The following AGAP1 variants were observed in gnomAD, a reference collection of about 807,000 sequenced individuals.
AGAP1 encodes the protein ArfGAP with GTPase domain, ankyrin repeat and PH domain 1, also known as arf-GAP with GTPase, ANK repeat and PH domain-containing protein 1.
Under a neutral mutation model 105.3 loss-of-function variants are expected in AGAP1, and 29 were observed. The ratio of observed to expected loss-of-function variants is 0.28; its 90% CI spans 0.21 to 0.38. The LOEUF (loss-of-function observed/expected upper bound fraction) is 0.38. Ranked by LOEUF, AGAP1 falls within the 10% of genes least tolerant of loss-of-function variation. The probability of loss-of-function intolerance (pLI) is 1.00; values close to 1 mark genes in which losing one functional copy is unlikely to be tolerated. For synonymous variants in AGAP1, 509 were observed against 485.9 expected, an observed-to-expected ratio of 1.05 and a Z score of -0.63; for missense variants, 998 against 1,165.1, an observed-to-expected ratio of 0.86 and a Z score of 2.09.
rs570800773 is a variant in AGAP1, at chr2:235,511,138, G to GC, written c.163+16292dup. 5.1e-3 allele frequency among the ~76,000 whole-genome samples: 779 copies of GC among 152,248 alleles called. 5 individuals carry two copies. Among genetic ancestry groups the GC allele is most frequent in the African/African-American group, 0.018 (737 of 41,540 alleles). On this transcript the variant is annotated intron_variant, in intron 1 of 17. Coordinates refer to ENST00000304032, the MANE Select transcript of AGAP1 (RefSeq NM_001037131.3). ...GTGGCAGGTGGAGGTGAGGGATGCT[G>GC]CCCAAGATCCCGCAATGCCTGGGGC...
intron 16 of AGAP1, among the ~76,000 whole-genome samples, chr2:236,110,935 C>T (rs777371508): frequency 1.7e-4 from 26 of 152,316 alleles, no homozygotes; most frequent in Admixed American, 2.6e-4. Context: ...GGTTAGGGTT[C>T]GGTCTCTGCT....
At chr2:235,761,057 CATG>C (rs1478729226) in intron 6 of AGAP1, among the ~76,000 whole-genome samples, 1 of 152,162 alleles carries the variant, frequency 6.6e-6, no homozygotes, top group African/African-American at 2.4e-5. Flanking sequence ...AAGTATGAAA[CATG>C]ATAGAGTGAC....
At chr2:235,857,929 G>A (rs1553651942) in intron 9 of AGAP1, among the ~76,000 whole-genome samples, 1 of 152,166 alleles carries the variant, frequency 6.6e-6, no homozygotes, top group Non-Finnish European at 1.5e-5. Context: ...GGAGTGTGAG[G>A]CTTATACCCA....
chr2:236,059,933 A>G (rs1455492160), intron 16 of AGAP1, among the ~76,000 whole-genome samples: 1 of 152,186 alleles, frequency 6.6e-6, no homozygotes. Flanking sequence ...TCTCCTAAAA[A>G]TAGAAAAATT....
Position 236,011,277 on chromosome 2 carries a change from C to G in AGAP1, c.1646-25284C>G, listed in dbSNP as rs922497033. 6.6e-5 allele frequency among the ~76,000 whole-genome samples: 10 copies of G among 152,342 alleles called. No individual in the cohort carries two copies. In the South Asian group the frequency reaches 1.4e-3, roughly 22 times the overall value. ...TTCTCTCCCAGGCCCACTGACTGTTCTGCCTACCCAGATTAGAGCTCAGAA... is the reference window on the plus strand; with the variant it reads ...TTCTCTCCCAGGCCCACTGACTGTTGTGCCTACCCAGATTAGAGCTCAGAA... On this transcript the variant is annotated intron_variant, in intron 13 of 17. Coordinates refer to ENST00000304032, the MANE Select transcript of AGAP1 (RefSeq NM_001037131.3).
chr2:236,011,100 A>G (rs1393888783), intron 13 of AGAP1, among the ~76,000 whole-genome samples: 1 of 152,228 alleles, frequency 6.6e-6, no homozygotes, highest in Non-Finnish European at 1.5e-5. Flanking sequence ...TGAGTTTTCC[A>G]TGTGTGTTTT....
Position 236,056,928 on chromosome 2 carries a change from T to C in AGAP1, c.2114+7647T>C, listed in dbSNP as rs1356867731. Reference sequence around the variant, plus strand: ...GCGGCATTGGGAGAACCGCCATGTTTAGCAGCACCACTCCCACTCGCCCCT... The same window carrying C: ...GCGGCATTGGGAGAACCGCCATGTTCAGCAGCACCACTCCCACTCGCCCCT... On this transcript the variant is annotated intron_variant, in intron 16 of 17. Transcript: ENST00000304032. The surrounding 1 kb of genome is among the most constrained non-coding windows in gnomAD (Gnocchi z 4.6). Among the ~76,000 whole-genome samples, 5 of 152,188 alleles carry C rather than the reference T, an allele frequency of 3.3e-5. No individual in the cohort carries two copies. The highest frequency in any genetic ancestry group is 1.5e-5 in the Non-Finnish European group (1 of 68,034).
rs531083505 is a variant in AGAP1 at position 235,701,488 on chromosome 2, A to G, written c.164-7691A>G. 3.3e-5 allele frequency among the ~76,000 whole-genome samples: 5 copies of G among 152,270 alleles called. No homozygotes were observed. The South Asian group carries it at 8.3e-4, about 25-fold the overall frequency. Reference sequence around the variant, plus strand: ...CAAGGTCAGGGGATGCTGTCCGGACATGTCAGGATGGGAAACTGTCTTGTC... The same window carrying G: ...CAAGGTCAGGGGATGCTGTCCGGACGTGTCAGGATGGGAAACTGTCTTGTC... On this transcript the variant is annotated intron_variant, in intron 1 of 17. Coordinates refer to ENST00000304032, the MANE Select transcript of AGAP1 (RefSeq NM_001037131.3). The surrounding 1 kb of genome is among the most constrained non-coding windows in gnomAD (Gnocchi z 4.1).
chr2:236,087,319 C>T lies in AGAP1; in HGVS notation c.2115-32873C>T, dbSNP rs1207413967. Among the ~76,000 whole-genome samples, 1 of 151,054 alleles carries T rather than the reference C, an allele frequency of 6.6e-6. No homozygotes were observed. The highest frequency in any genetic ancestry group is 2.4e-5 in the African/African-American group (1 of 41,076). ...AGGAAGCCAGAGCCCGGGGTGGGGGCGGGAGCGGGGGCTAGCTGTGGGTGT... is the reference window on the plus strand; with the variant it reads ...AGGAAGCCAGAGCCCGGGGTGGGGGTGGGAGCGGGGGCTAGCTGTGGGTGT... On this transcript the variant is annotated intron_variant, in intron 16 of 17. Transcript: ENST00000304032. The surrounding 1 kb of genome is among the most constrained non-coding windows in gnomAD (Gnocchi z 5.7).
At position 236,080,259 on chromosome 2, in the gene AGAP1, A is replaced by C. The variant is rs11889753; in HGVS notation, c.2114+30978A>C. On this transcript the variant is annotated intron_variant, in intron 16 of 17. Coordinates refer to ENST00000304032, the MANE Select transcript of AGAP1 (RefSeq NM_001037131.3). The surrounding 1 kb of genome is among the most constrained non-coding windows in gnomAD (Gnocchi z 4.2). Reference sequence around the variant, plus strand: ...AAAAGGCAGGCAGAGCCTCTGCTGGAAAGACACAGGGAAAGGAGAGAGAAG... The same window carrying C: ...AAAAGGCAGGCAGAGCCTCTGCTGGCAAGACACAGGGAAAGGAGAGAGAAG... 0.11 allele frequency among the ~76,000 whole-genome samples: 16,052 copies of C among 152,280 alleles called. 1,337 individuals carry two copies. Among genetic ancestry groups the C allele is most frequent in the African/African-American group, 0.22 (9,341 of 41,540 alleles).
intron 13 of AGAP1, among the ~76,000 whole-genome samples, chr2:236,013,970 G>T (rs2056606399): frequency 6.6e-6 from 1 of 152,206 alleles, no homozygotes; most frequent in African/African-American, 2.4e-5. Context: ...TAAGGGCCTG[G>T]TGGGGTGGAG....
In AGAP1 at chr2:235,904,044, T is replaced by C. The variant is rs1239826398; in HGVS notation, c.1156-4694T>C. Among the ~76,000 whole-genome samples the C allele has an allele frequency of 6.6e-6, 1 of 152,190 alleles. No individual in the cohort carries two copies. The highest frequency in any genetic ancestry group is 1.5e-5 in the Non-Finnish European group (1 of 68,032). The stretch of plus-strand genomic sequence containing the variant: ...TATGGGTCTCTGACACGGCTCTCAA[T>C]TGCTAGCAGGTTTCTCTCATTGCAC... On this transcript the variant is annotated intron_variant, in intron 10 of 17. Coordinates refer to ENST00000304032, the MANE Select transcript of AGAP1 (RefSeq NM_001037131.3). The surrounding 1 kb of genome is among the most constrained non-coding windows in gnomAD (Gnocchi z 4.2).
chr2:235,715,154 T>C (rs913002755), intron 2 of AGAP1, among the ~76,000 whole-genome samples: 2 of 152,194 alleles, frequency 1.3e-5, no homozygotes, highest in African/African-American at 4.8e-5. Flanking sequence ...CGTTCCTTCC[T>C]CCCTCCTGTC....
rs1176097656 is a variant in AGAP1, at chr2:236,036,327, G to T, written c.1646-234G>T. On this transcript the variant is annotated intron_variant, in intron 13 of 17. Coordinates refer to ENST00000304032, the MANE Select transcript of AGAP1 (RefSeq NM_001037131.3). This position sits in a 1 kb window ranked among gnomAD's most constrained non-coding sequence, Gnocchi z 5.7. ...TCACTCGTTGATTTCATCTGGCCTT[G>T]TGCCCTGAGCCTTGATTGAAACCTG... Among the ~76,000 whole-genome samples, 1 of 152,200 alleles carries T rather than the reference G, an allele frequency of 6.6e-6. No homozygotes were observed. The highest frequency in any genetic ancestry group is 1.5e-5 in the Non-Finnish European group (1 of 68,032).
chr2:236,081,440 G>C (rs1169953583), intron 16 of AGAP1, among the ~76,000 whole-genome samples: 1 of 152,222 alleles, frequency 6.6e-6, no homozygotes, highest in East Asian at 1.9e-4. Flanking sequence ...CATGTTAGTA[G>C]CTGCAGTGTG....
At chr2:235,686,885 G>T (rs1490192973) in intron 1 of AGAP1, among the ~76,000 whole-genome samples, 1 of 149,276 alleles carries the variant, frequency 6.7e-6, no homozygotes, top group Non-Finnish European at 1.5e-5. Context: ...GCTGGTCTCA[G>T]ACCCTTGAGC....
intron 6 of AGAP1, among the ~76,000 whole-genome samples, chr2:235,761,194 A>G (rs72975265): frequency 0.28 from 42,550 of 152,078 alleles, 6,270 homozygotes; most frequent in Admixed American, 0.41. Flanking sequence ...TTATTTAGTG[A>G]TGTTGCAGAA....
chr2:236,038,818 T>A lies in AGAP1; in HGVS notation c.1801-1933T>A, dbSNP rs1282720441. On this transcript the variant is annotated intron_variant, in intron 14 of 17. Coordinates refer to ENST00000304032, the MANE Select transcript of AGAP1 (RefSeq NM_001037131.3). The surrounding 1 kb of genome is among the most constrained non-coding windows in gnomAD (Gnocchi z 4.5). ...AGAGAGACAGAGGCACATCCCTTTG[T>A]ATGTGTGTGTGTGTGTGTGTGTGTG... is the stretch of plus-strand genomic sequence containing the variant. 2.1e-5 allele frequency among the ~76,000 whole-genome samples: 1 copy of A among 48,376 alleles called. No homozygotes were observed. The highest frequency in any genetic ancestry group is 5.2e-4 in the East Asian group (1 of 1,916). 31.7% of individuals were successfully genotyped at this position (48,376 alleles called of 152,430 possible). A position where few individuals can be genotyped will look rare whatever the true frequency, so the allele number is the denominator to read the frequency against.
chr2:235,638,370 G>A (rs1308065656), intron 1 of AGAP1, among the ~76,000 whole-genome samples: 1 of 152,176 alleles, frequency 6.6e-6, no homozygotes, highest in Non-Finnish European at 1.5e-5. Context: ...TGTCTTGGGA[G>A]GTGCACTGCA....
Sources: gnomAD v4.1 joint callset for allele counts (sites outside exome capture counted in the v4.1 genomes callset) on GRCh38, gnomAD v4.1.1 for gene constraint, Gnocchi (gnomAD v3.1) non-coding constraint, MANE v1.5 for transcripts, NCBI Gene and HGNC (gene_info 2026-07-23, HGNC 2026-07-21) for gene names.